Variants in LHFPL3 observed in about 807,000 individuals in gnomAD.
LHFPL3 encodes LHFPL tetraspan subfamily member 3.
A neutral mutation model predicts 19.3 loss-of-function variants in LHFPL3; 5 were observed. The ratio of observed to expected loss-of-function variants is 0.26; its 90% CI spans 0.14 to 0.54. LHFPL3 has a LOEUF of 0.54. Ranked by LOEUF, LHFPL3 falls within the 20% of genes least tolerant of loss-of-function variation. The pLI, the probability that LHFPL3 is intolerant of heterozygous loss-of-function variation, is 0.94. For synonymous variants in LHFPL3, 133 were observed against 126.2 expected (o/e 1.05, Z -0.36); for missense variants, 249 against 307.4 (o/e 0.81, Z 1.42).
At chr7:104,362,021 G>A (rs1210378695) in intron 1 of LHFPL3, among the ~76,000 whole-genome samples, 3 of 152,214 alleles carry the variant, frequency 2.0e-5, no homozygotes, top group African/African-American at 7.2e-5. Context: ...ATGTGAATGT[G>A]TGATGCAGAA....
intron 2 of LHFPL3, among the ~76,000 whole-genome samples, chr7:104,878,445 T>C (rs1791989155): frequency 6.6e-6 from 1 of 152,116 alleles, no homozygotes; most frequent in Non-Finnish European, 1.5e-5. Flanking sequence ...ATCAGTGATC[T>C]TTGATGTTAC....
At position 104,471,123 on chromosome 7, in the gene LHFPL3, A is replaced by G. The variant is rs542529206; in HGVS notation, c.445+141899A>G. Reference sequence around the variant, plus strand: ...TTTTCATTTACCATATTACTAATACATGAAAAAGACAAACATTTCTTTCTA... The same window carrying G: ...TTTTCATTTACCATATTACTAATACGTGAAAAAGACAAACATTTCTTTCTA... On this transcript the variant is annotated intron_variant, in intron 1 of 2. Transcript: ENST00000424859. Among the ~76,000 whole-genome samples the G allele has an allele frequency of 4.6e-5, 7 of 152,312 alleles. No individual in the cohort carries two copies. The South Asian group carries it at 1.5e-3, about 32-fold the overall frequency.
chr7:104,877,739 T>G (rs1411017577), intron 2 of LHFPL3, among the ~76,000 whole-genome samples: 1 of 152,024 alleles, frequency 6.6e-6, no homozygotes, highest in East Asian at 1.9e-4. Context: ...TTAAACAGAG[T>G]TACCATATGA....
intron 1 of LHFPL3, among the ~76,000 whole-genome samples, chr7:104,627,196 A>T (rs1040127575): frequency 2.6e-5 from 4 of 151,986 alleles, no homozygotes; most frequent in Middle Eastern, 3.2e-3. Context: ...ACTTTTCTAG[A>T]TTCCACATAT....
chr7:104,719,018 A>C (rs1008080662), intron 1 of LHFPL3, among the ~76,000 whole-genome samples: 1 of 152,182 alleles, frequency 6.6e-6, no homozygotes, highest in Non-Finnish European at 1.5e-5. Flanking sequence ...TTAGCTTGTG[A>C]AAATGTTGCC....
At chr7:104,597,465 C>G (rs1207300660) in intron 1 of LHFPL3, among the ~76,000 whole-genome samples, 1 of 152,164 alleles carries the variant, frequency 6.6e-6, no homozygotes, top group Non-Finnish European at 1.5e-5. Flanking sequence ...ATAATGCAGT[C>G]ATACCAGAAG....
At chr7:104,652,301 T>C (rs1174808227) in intron 1 of LHFPL3, among the ~76,000 whole-genome samples, 2 of 152,142 alleles carry the variant, frequency 1.3e-5, no homozygotes. Flanking sequence ...GACACCAGCA[T>C]TGAAGGGCCA....
intron 2 of LHFPL3, among the ~76,000 whole-genome samples, chr7:104,823,627 A>G (rs1290272616): frequency 6.6e-6 from 1 of 152,200 alleles, no homozygotes; most frequent in Non-Finnish European, 1.5e-5. Context: ...ATAGATTTAT[A>G]AAGCAAAACT....
chr7:104,522,304 G>C (rs986075718), intron 1 of LHFPL3, among the ~76,000 whole-genome samples: 1 of 147,664 alleles, frequency 6.8e-6, no homozygotes, highest in Non-Finnish European at 1.5e-5. Flanking sequence ...ACCAAACACC[G>C]CATATTCTCA....
rs150997201 is a variant in LHFPL3, at chr7:104,449,142, C to T, written c.445+119918C>T. Among the ~76,000 whole-genome samples, 6 of 152,272 alleles carry T rather than the reference C, an allele frequency of 3.9e-5. No homozygotes were observed. In the East Asian group the frequency reaches 5.8e-4, roughly 15 times the overall value. On this transcript the variant is annotated intron_variant, in intron 1 of 2. Transcript: ENST00000424859. ...TTCTGAACTGAAAGATAGAATTCTGCGGAGACAGTGGTGAGGAATCTGTGC... is the reference window on the plus strand; with the variant it reads ...TTCTGAACTGAAAGATAGAATTCTGTGGAGACAGTGGTGAGGAATCTGTGC...
At chr7:104,439,299 T>G (rs1170659919) in intron 1 of LHFPL3, among the ~76,000 whole-genome samples, 2 of 152,166 alleles carry the variant, frequency 1.3e-5, no homozygotes, top group Non-Finnish European at 2.9e-5. Context: ...ACAAATTTTA[T>G]GATGCTAAAA....
At chr7:104,440,756 G>T (rs73179939) in intron 1 of LHFPL3, among the ~76,000 whole-genome samples, 2 of 151,912 alleles carry the variant, frequency 1.3e-5, no homozygotes, top group Non-Finnish European at 2.9e-5. Context: ...AAGGAATGTT[G>T]GTTATCTACA....
chr7:104,583,097 T>C (rs1261052776), intron 1 of LHFPL3, among the ~76,000 whole-genome samples: 1 of 152,060 alleles, frequency 6.6e-6, no homozygotes, highest in African/African-American at 2.4e-5. Flanking sequence ...AGCATGGTGC[T>C]AGTACCAAAA....
At chr7:104,482,468 C>A (rs1341737300) in intron 1 of LHFPL3, among the ~76,000 whole-genome samples, 1 of 152,222 alleles carries the variant, frequency 6.6e-6, no homozygotes, top group East Asian at 1.9e-4. Context: ...TCCTGCCCTG[C>A]ACAGGTGTTC....
chr7:104,717,097 A>G (rs1382785107), intron 1 of LHFPL3, among the ~76,000 whole-genome samples: 1 of 151,424 alleles, frequency 6.6e-6, no homozygotes, highest in Non-Finnish European at 1.5e-5. Flanking sequence ...TAAACCAGAT[A>G]TATACCTGCA....
At chr7:104,575,476 A>G (rs1403964282) in intron 1 of LHFPL3, among the ~76,000 whole-genome samples, 4 of 150,754 alleles carry the variant, frequency 2.7e-5, no homozygotes, top group African/African-American at 7.4e-5. Context: ...TGTTATGTGC[A>G]ATTTTTATAT....
chr7:104,814,725 G>A (rs1416725314), intron 2 of LHFPL3, among the ~76,000 whole-genome samples: 3 of 152,152 alleles, frequency 2.0e-5, no homozygotes, highest in Admixed American at 6.5e-5. Context: ...TCCTATGCTC[G>A]TCAGTGCCCA....
chr7:104,394,471 G>T (rs1172322179), intron 1 of LHFPL3, among the ~76,000 whole-genome samples: 1 of 152,082 alleles, frequency 6.6e-6, no homozygotes, highest in Non-Finnish European at 1.5e-5. Context: ...GAGATAAATA[G>T]CCATTTCTAA....
intron 1 of LHFPL3, among the ~76,000 whole-genome samples, chr7:104,417,856 A>AATT (rs200557435): frequency 0.016 from 2,249 of 140,142 alleles, 22 homozygotes; most frequent in Middle Eastern, 0.033. Context: ...TTTCTTTTCT[A>AATT]ATTCTTCTTC....
Sources: gnomAD v4.1 joint callset for allele counts (sites outside exome capture counted in the v4.1 genomes callset) on GRCh38, gnomAD v4.1.1 for gene constraint, MANE v1.5 for transcripts, NCBI Gene and HGNC (gene_info 2026-07-23, HGNC 2026-07-21) for gene names.